Variants in VRK2 observed in about 807,000 individuals in gnomAD.
VRK2 encodes the protein serine/threonine-protein kinase VRK2.
In VRK2, 60 loss-of-function variants were observed where a neutral mutation model predicts 57.6. The ratio of observed to expected loss-of-function variants is 1.04; its 90% CI spans 0.85 to 1.29. VRK2 has a LOEUF of 1.29. Among genes scored for constraint, VRK2 ranks in the 50% most tolerant of loss-of-function variants. The pLI is 0.00. For missense variants in VRK2, 705 were observed against 588.1 expected, an observed-to-expected ratio of 1.20 and a Z score of -2.06; for synonymous variants, 231 against 199.2, an observed-to-expected ratio of 1.16 and a Z score of -1.35.
At chr2:57,928,655 G>C (rs188339853) in intron 1 of VRK2, among the ~76,000 whole-genome samples, 1 of 152,050 alleles carries the variant, frequency 6.6e-6, no homozygotes, top group East Asian at 1.9e-4. Context: ...TCACAGTCTG[G>C]GCCTGTTTAT....
rs1208661530 is a variant in VRK2, at chr2:58,131,960, G to C, written c.797+32G>C. 4 of 1,612,956 alleles carry C rather than the reference G, an allele frequency of 2.5e-6. No homozygotes were observed. The South Asian group carries it at 4.4e-5, about 18-fold the overall frequency. ...ATTTTCAAGTATTTCATCATGTACT[G>C]CACCAGGTCTGAAGGGATACATTAA... On this transcript the variant is annotated intron_variant, in intron 9 of 12. Transcript: ENST00000340157.
chr2:58,138,482 C>G (rs1216047419), intron 10 of VRK2, among the ~76,000 whole-genome samples: 1 of 152,156 alleles, frequency 6.6e-6, no homozygotes, highest in African/African-American at 2.4e-5. Flanking sequence ...GCTTCATGTT[C>G]CCAGGAAATA....
intron 7 of VRK2, among the ~76,000 whole-genome samples, chr2:58,115,782 A>T (rs1676369969): frequency 1.3e-5 from 2 of 152,226 alleles, no homozygotes; most frequent in South Asian, 4.1e-4. Context: ...GCTGTCTGTG[A>T]AGCCTTGCGG....
chr2:58,009,648 C>CTAATGTTCTTTCTGTCATTCAACATA (rs1294577990), intron 1 of VRK2, among the ~76,000 whole-genome samples: 2 of 151,412 alleles, frequency 1.3e-5, no homozygotes, highest in African/African-American at 4.9e-5. Context: ...GTTCTAATCA[C>CTAATGTTCTTTCTGTCATTCAACATA]TAATGTTCTT....
At chr2:58,005,888 G>A (rs1673227877) in intron 1 of VRK2, among the ~76,000 whole-genome samples, 2 of 152,286 alleles carry the variant, frequency 1.3e-5, no homozygotes, top group Middle Eastern at 3.4e-3. Flanking sequence ...AACCTCAAGG[G>A]TAGTAGCCTC....
chr2:58,048,669 A>G (rs191132722), intron 1 of VRK2, 158 bp from the exon 2 acceptor site: 16 of 1,507,400 alleles, frequency 1.1e-5, no homozygotes, highest in Admixed American at 8.4e-5. Flanking sequence ...TAATTTGAAT[A>G]TAATGTGTGG....
intron 2 of VRK2, among the ~76,000 whole-genome samples, chr2:58,028,882 TAATAAATA>T (rs1297414255): frequency 7.7e-4 from 81 of 104,628 alleles, no homozygotes; most frequent in South Asian, 7.2e-3. Context: ...ACTTAAAGTA[TAATAAATA>T]AATAAATAAA....
chr2:58,008,816 G>T (rs905301989), intron 1 of VRK2, among the ~76,000 whole-genome samples: 2 of 152,072 alleles, frequency 1.3e-5, no homozygotes, highest in Non-Finnish European at 2.9e-5. Context: ...CAGAGACTGG[G>T]TAATTTAAGA....
intron 7 of VRK2, among the ~76,000 whole-genome samples, chr2:58,095,341 G>A (rs1045988283): frequency 6.6e-6 from 1 of 150,904 alleles, no homozygotes; most frequent in African/African-American, 2.4e-5. Flanking sequence ...TTGAAATTAT[G>A]TTAAGTTTTA....
chr2:58,103,169 A>T (rs961789320), intron 7 of VRK2, among the ~76,000 whole-genome samples: 1 of 151,712 alleles, frequency 6.6e-6, no homozygotes, highest in Non-Finnish European at 1.5e-5. Flanking sequence ...ATCTCAAAAA[A>T]ATAGAAAAAC....
intron 11 of VRK2, 28 bp from the exon 12 acceptor site, chr2:58,146,288 T>G: frequency 6.5e-7 from 1 of 1,549,038 alleles, no homozygotes; most frequent in Non-Finnish European, 8.7e-7. Context: ...GTTTTCATTA[T>G]ATATTATTAC....
intron 1 of VRK2, among the ~76,000 whole-genome samples, chr2:57,990,653 T>A (rs990561858): frequency 2.6e-5 from 4 of 152,222 alleles, no homozygotes; most frequent in African/African-American, 4.8e-5. Flanking sequence ...AATCATTCAA[T>A]CAATTAAAGA....
intron 1 of VRK2, among the ~76,000 whole-genome samples, chr2:57,934,562 G>A (rs1013824863): frequency 6.6e-6 from 1 of 152,180 alleles, no homozygotes; most frequent in African/African-American, 2.4e-5. Context: ...TCGTCAGGTT[G>A]AAGCCATTTG....
intron 3 of VRK2, among the ~76,000 whole-genome samples, chr2:58,039,632 C>T (rs1412332854): frequency 6.6e-6 from 1 of 152,030 alleles, no homozygotes; most frequent in Non-Finnish European, 1.5e-5. Context: ...GGGATCATGA[C>T]TGATGACTGG....
At chr2:58,137,156 TTA>T (rs1207275177) in intron 10 of VRK2, among the ~76,000 whole-genome samples, 1,591 of 24,446 alleles carry the variant, frequency 0.065, 150 homozygotes, top group African/African-American at 0.19. Context: ...TATCATGTGT[TTA>T]TATATATCAT....
intron 1 of VRK2, among the ~76,000 whole-genome samples, chr2:57,916,888 A>G (rs563342308): frequency 6.6e-6 from 1 of 152,340 alleles, no homozygotes; most frequent in South Asian, 2.1e-4. Flanking sequence ...TTGTAGAATA[A>G]GGATCATAGT....
chr2:57,945,349 C>T (rs1671229099), intron 1 of VRK2, among the ~76,000 whole-genome samples: 1 of 152,062 alleles, frequency 6.6e-6, no homozygotes, highest in Non-Finnish European at 1.5e-5. Context: ...CTTTTCAAAT[C>T]TCTTGTGTAA....
chr2:58,117,942 A>T (rs1676776621), intron 7 of VRK2, among the ~76,000 whole-genome samples: 2 of 152,098 alleles, frequency 1.3e-5, no homozygotes, highest in African/African-American at 4.8e-5. Context: ...TGCCCTCCAG[A>T]AAAGCAGAGA....
chr2:58,155,917 G>GTT (rs1395049481), intron 12 of VRK2, among the ~76,000 whole-genome samples: 4,446 of 134,332 alleles, frequency 0.033, 237 homozygotes, highest in African/African-American at 0.11. Flanking sequence ...TGTTTTTCAT[G>GTT]TTTGTTTTTT....
Sources: allele counts gnomAD v4.1 joint callset (sites outside exome capture counted in the v4.1 genomes callset), GRCh38; gene constraint gnomAD v4.1.1; transcripts MANE v1.5; gene names NCBI Gene and HGNC (gene_info 2026-07-23, HGNC 2026-07-21).